The following CHL1 variants were observed in gnomAD, a reference collection of about 807,000 sequenced individuals.
CHL1 encodes cell adhesion molecule L1 like.
In CHL1, 96 loss-of-function variants were observed where a neutral mutation model predicts 141.9. The observed-to-expected ratio is 0.68, with a 90% CI of 0.57 to 0.80. CHL1 has a LOEUF of 0.80. CHL1 is among the 30% of genes least tolerant of loss of function. The pLI, the probability that CHL1 is intolerant of heterozygous loss-of-function variation, is 0.00. For missense variants in CHL1, 1,820 were observed against 1,457.2 expected (o/e 1.25, Z -4.05); for synonymous variants, 613 against 502.2 (o/e 1.22, Z -2.95).
chr3:339,735 T>C (rs1702216110), intron 5 of CHL1, among the ~76,000 whole-genome samples: 1 of 152,200 alleles, frequency 6.6e-6, no homozygotes, highest in African/African-American at 2.4e-5. Flanking sequence ...TGAGGGGCTA[T>C]AGGACAAATA....
chr3:242,153 A>T (rs1185316117), intron 1 of CHL1, among the ~76,000 whole-genome samples: 1 of 152,140 alleles, frequency 6.6e-6, no homozygotes, highest in East Asian at 1.9e-4. Flanking sequence ...TAAAAATGAG[A>T]TGAAAAACCA....
chr3:369,242 T>G (rs1282583011), intron 15 of CHL1, among the ~76,000 whole-genome samples: 2 of 152,024 alleles, frequency 1.3e-5, no homozygotes, highest in East Asian at 3.9e-4. Flanking sequence ...GGGATTTTTT[T>G]TTTTCATTTG....
chr3:400,783 C>G (rs1709061332), intron 26 of CHL1, among the ~76,000 whole-genome samples: 4 of 151,144 alleles, frequency 2.6e-5, no homozygotes, highest in Admixed American at 2.6e-4. Context: ...GCCTGGGCGA[C>G]AGAGTGAGAC....
chr3:319,909 T>G, intron 3 of CHL1, 42 bp downstream of exon 3: 1 of 1,163,440 alleles, frequency 8.6e-7, no homozygotes, highest in South Asian at 1.3e-5. Flanking sequence ...GAATTTCATA[T>G]TTGCATTTTG....
intron 2 of CHL1, among the ~76,000 whole-genome samples, chr3:265,700 G>A (rs565585836): frequency 2.7e-4 from 41 of 152,296 alleles, no homozygotes; most frequent in South Asian, 1.0e-3. Flanking sequence ...GAATGGGTGG[G>A]AGATGTCAGA....
intron 1 of CHL1, among the ~76,000 whole-genome samples, chr3:238,106 C>G (rs1234021942): frequency 2.0e-5 from 3 of 152,062 alleles, no homozygotes; most frequent in Non-Finnish European, 4.4e-5. Context: ...TAGCTTATAA[C>G]CTAGGGAATA....
chr3:326,269 T>A (rs943313105), intron 4 of CHL1, among the ~76,000 whole-genome samples: 2 of 152,046 alleles, frequency 1.3e-5, no homozygotes, highest in Non-Finnish European at 2.9e-5. Flanking sequence ...ATTTTGACCA[T>A]AAACTAAGGG....
intron 1 of CHL1, among the ~76,000 whole-genome samples, chr3:225,088 C>A (rs1270695312): frequency 6.6e-6 from 1 of 152,200 alleles, no homozygotes; most frequent in Non-Finnish European, 1.5e-5. Context: ...AAGCCAAGAT[C>A]TCGCCACTGC....
chr3:279,266 G>A lies in CHL1; in HGVS notation c.-95+34574G>A, dbSNP rs576359282. ...CAATAGAGAAAGTATCCGGTTTCTT[G>A]CATCATTTTTCTTTTCTTTTCTTTT... On this transcript the variant is annotated intron_variant, in intron 2 of 27. Coordinates refer to ENST00000256509, the MANE Select transcript of CHL1 (RefSeq NM_006614.4). Among the ~76,000 whole-genome samples the A allele has an allele frequency of 5.9e-5, 9 of 152,124 alleles. No homozygotes were observed. The East Asian group carries it at 1.5e-3, about 26-fold the overall frequency.
At chr3:269,332 A>G (rs538274330) in intron 2 of CHL1, among the ~76,000 whole-genome samples, 33 of 152,296 alleles carry the variant, frequency 2.2e-4, no homozygotes, top group Admixed American at 2.2e-3. Flanking sequence ...CACGTGAAAG[A>G]AGGAGACTTG....
intron 17 of CHL1, 22 bp downstream of exon 17, chr3:382,302 G>C: frequency 6.3e-7 from 1 of 1,596,044 alleles, no homozygotes; most frequent in South Asian, 1.1e-5. Context: ...TGGGATAACT[G>C]TTTTCATTAC....
chr3:375,294 G>A (rs571617045), intron 15 of CHL1, among the ~76,000 whole-genome samples: 1 of 152,050 alleles, frequency 6.6e-6, no homozygotes, highest in Admixed American at 6.6e-5. Context: ...TAGGCAAAGG[G>A]AGGGACCTAG....
intron 15 of CHL1, among the ~76,000 whole-genome samples, chr3:374,756 C>A (rs1184655547): frequency 6.6e-6 from 1 of 152,170 alleles, no homozygotes; most frequent in Admixed American, 6.5e-5. Context: ...CAAGGGCATG[C>A]ACGGTGATAT....
intron 3 of CHL1, 105 bp from the exon 4 acceptor site, chr3:325,854 C>A: frequency 1.6e-6 from 1 of 634,380 alleles, no homozygotes; most frequent in Non-Finnish European, 2.7e-6. Flanking sequence ...TTGTATCATC[C>A]TTTCACTTAT....
At chr3:236,082 G>C (rs1691950006) in intron 1 of CHL1, among the ~76,000 whole-genome samples, 3 of 152,176 alleles carry the variant, frequency 2.0e-5, no homozygotes, top group South Asian at 2.1e-4. Flanking sequence ...ACCAGCGTCT[G>C]AATGATAAGA....
At chr3:323,462 T>C (rs1700758710) in intron 3 of CHL1, among the ~76,000 whole-genome samples, 2 of 152,086 alleles carry the variant, frequency 1.3e-5, no homozygotes, top group South Asian at 2.1e-4. Context: ...ACAAAATCAT[T>C]TGTAGATTAA....
At chr3:199,460 G>A (rs1163629314) in intron 1 of CHL1, among the ~76,000 whole-genome samples, 1 of 152,168 alleles carries the variant, frequency 6.6e-6, no homozygotes, top group African/African-American at 2.4e-5. Flanking sequence ...GGTTATATAG[G>A]TCCTCCAACC....
At chr3:219,147 A>T (rs79527628) in intron 1 of CHL1, among the ~76,000 whole-genome samples, 2 of 4,736 alleles carry the variant, frequency 4.2e-4, no homozygotes, top group Admixed American at 0.023. Flanking sequence ...AGACTCTGTC[A>T]AAAAAAAAAA....
chr3:304,483 C>A (rs1459517950), intron 2 of CHL1, among the ~76,000 whole-genome samples: 3 of 152,072 alleles, frequency 2.0e-5, no homozygotes, highest in Non-Finnish European at 4.4e-5. Context: ...GTGTATGTGT[C>A]CAGGAATTTA....
Sources: allele counts gnomAD v4.1 joint callset (sites outside exome capture counted in the v4.1 genomes callset), GRCh38; gene constraint gnomAD v4.1.1; transcripts MANE v1.5; gene names NCBI Gene and HGNC (gene_info 2026-07-23, HGNC 2026-07-21).